PC: variants seen among roughly 807,000 people sequenced by gnomAD.
PC encodes pyruvate carboxylase, mitochondrial.
Under a neutral mutation model 107.8 loss-of-function variants are expected in PC, and 46 were observed. That is an observed-to-expected ratio of 0.43 (90% CI 0.34 to 0.55). The LOEUF is 0.55. Ranked by LOEUF, PC falls within the 20% of genes least tolerant of loss-of-function variation. The probability of loss-of-function intolerance (pLI) is 0.04; values close to 1 mark genes in which losing one functional copy is unlikely to be tolerated. For synonymous variants in PC, 662 were observed against 684.7 expected (o/e 0.97, Z 0.52); for missense variants, 1,241 against 1,643.1 (o/e 0.76, Z 4.23).
At chr11:66,859,578 G>A in intron 12 of PC, 9 of 1,603,830 alleles carry the variant, frequency 5.6e-6, no homozygotes, top group East Asian at 2.2e-5. Flanking sequence ...CGGGAGTGGG[G>A]AGGTGAGGAT....
At chr11:66,925,724 T>C (rs1023896485) in intron 3 of PC, among the ~76,000 whole-genome samples, 9 of 152,194 alleles carry the variant, frequency 5.9e-5, no homozygotes, top group Admixed American at 2.0e-4. Flanking sequence ...AGGGTATTGA[T>C]TGGGGAAGTG....
intron 3 of PC, among the ~76,000 whole-genome samples, chr11:66,896,396 A>G (rs989337559): frequency 2.0e-5 from 3 of 152,178 alleles, no homozygotes; most frequent in Non-Finnish European, 4.4e-5. Flanking sequence ...GAAATTCTCT[A>G]TCCAGCTAAA....
intron 10 of PC, among the ~76,000 whole-genome samples, chr11:66,867,197 C>T (rs1946533530): frequency 6.6e-6 from 1 of 152,172 alleles, no homozygotes; most frequent in South Asian, 2.1e-4. Context: ...ACTAGCCTGG[C>T]CAACATGGTG....
intron 3 of PC, among the ~76,000 whole-genome samples, chr11:66,911,594 T>TAATAATA (rs1477034088): frequency 6.7e-6 from 1 of 149,786 alleles, no homozygotes; most frequent in Non-Finnish European, 1.5e-5. Context: ...TTTAAAAAAG[T>TAATAATA]AATAATAAAT....
intron 3 of PC, among the ~76,000 whole-genome samples, chr11:66,950,473 C>T (rs190942289): frequency 2.0e-5 from 3 of 152,192 alleles, no homozygotes; most frequent in Non-Finnish European, 4.4e-5. Flanking sequence ...CCTGGGGTAA[C>T]GCCTTCAGGC....
chr11:66,850,557 C>T, intron 18 of PC, 93 bp from the exon 19 acceptor site: 1 of 1,606,044 alleles, frequency 6.2e-7, no homozygotes, highest in Non-Finnish European at 8.5e-7. Flanking sequence ...ACTCAGGTGA[C>T]AGAAGGCGGC....
At chr11:66,894,271 G>A (rs866820580) in intron 3 of PC, among the ~76,000 whole-genome samples, 2 of 151,938 alleles carry the variant, frequency 1.3e-5, no homozygotes, top group African/African-American at 2.4e-5. Flanking sequence ...CCAGCCTCCC[G>A]GATTCTCCAG....
chr11:66,952,178 C>T (rs1174803874), intron 3 of PC: 1 of 152,286 alleles, frequency 6.6e-6, no homozygotes, highest in Admixed American at 6.5e-5. Context: ...CTTCCAGAAC[C>T]AGGGCCTTCT....
chr11:66,941,227 C>A (rs972427620), intron 3 of PC, among the ~76,000 whole-genome samples: 3 of 152,052 alleles, frequency 2.0e-5, no homozygotes, highest in African/African-American at 7.2e-5. Flanking sequence ...AAAACTGGAA[C>A]CCTCATGCAC....
Position 66,857,418 on chromosome 11 carries a change from G to A in PC, c.1369-4035C>T. 3.2e-6 allele frequency: 1 copy of A among 313,026 alleles called. No individual in the cohort carries two copies. The highest frequency in any genetic ancestry group is 5.2e-5 in the East Asian group (1 of 19,142). The allele number at this position is 313,026 out of a possible 1,614,324, so 19.4% of individuals were successfully genotyped here. Reference sequence around the variant, plus strand: ...ATGGCGGGGAGTGGGGAGGCGGCTGGCGATTCCTGGGGACGCCTGGGAAAG... The same window carrying A: ...ATGGCGGGGAGTGGGGAGGCGGCTGACGATTCCTGGGGACGCCTGGGAAAG... On this transcript the variant is annotated intron_variant, in intron 12 of 22. Coordinates refer to ENST00000393960, the MANE Select transcript of PC (RefSeq NM_001040716.2). This position sits in a 1 kb window ranked among gnomAD's most constrained non-coding sequence, Gnocchi z 7.1.
intron 3 of PC, among the ~76,000 whole-genome samples, chr11:66,873,884 C>T (rs1482053796): frequency 6.6e-6 from 1 of 152,040 alleles, no homozygotes; most frequent in Admixed American, 6.6e-5. Flanking sequence ...TCTCCTGCCT[C>T]AGCCTCCCAA....
intron 3 of PC, among the ~76,000 whole-genome samples, chr11:66,929,110 C>T (rs1327135989): frequency 1.3e-5 from 2 of 152,264 alleles, no homozygotes; most frequent in African/African-American, 4.8e-5. Context: ...AAGAGGCTGA[C>T]CCCAGAGATT....
intron 1 of PC, among the ~76,000 whole-genome samples, chr11:66,956,115 C>T (rs780560698): frequency 6.6e-6 from 1 of 152,162 alleles, no homozygotes; most frequent in Non-Finnish European, 1.5e-5. Context: ...GTTTGGTTTC[C>T]AGTCACTGAC....
intron 3 of PC, among the ~76,000 whole-genome samples, chr11:66,940,972 A>C (rs1209499873): frequency 6.7e-6 from 1 of 149,168 alleles, no homozygotes; most frequent in African/African-American, 2.5e-5. Context: ...GCTACTTGGG[A>C]GGCTGAGGCA....
intron 3 of PC, among the ~76,000 whole-genome samples, chr11:66,901,145 T>A (rs1947942331): frequency 6.6e-6 from 1 of 152,158 alleles, no homozygotes; most frequent in Non-Finnish European, 1.5e-5. Flanking sequence ...CTCCACAGCT[T>A]TGCCTTTTGG....
intron 3 of PC, among the ~76,000 whole-genome samples, chr11:66,903,773 A>AG (rs1383896793): frequency 1.6e-5 from 1 of 62,500 alleles, no homozygotes; most frequent in Non-Finnish European, 2.9e-5. Context: ...AAAAAAAAAA[A>AG]ATATATATAT....
Position 66,868,957 on chromosome 11 carries a change from T to C in PC, c.911A>G (p.Tyr304Cys). 2 of 1,613,532 alleles carry C rather than the reference T, an allele frequency of 1.2e-6. No homozygotes were observed. The highest frequency in any genetic ancestry group is 1.7e-6 in the Non-Finnish European group (2 of 1,179,758). Residue 304 changes from tyrosine (Y) to cysteine (C), a missense_variant, in exon 10 of 23, where the codon TAC becomes TGC. By Grantham distance (194) the Tyr-to-Cys change is radical. This residue lies in a region of PC where 1,143 missense variants were observed against 1,551.9 expected (regional missense o/e 0.74). Transcript: ENST00000393960. ...GAACTCCACGGTGCCTGCGTTCTCG[T>C]AGCCCACCTGTGGGGGCGGCCACGT... The part of the protein sequence containing the change: ...DSVKLAKQVG[Y>C]ENAGTVEFLV...
rs925479024 is a variant in PC, at chr11:66,859,856, G to A, written c.1368+3918C>T. The A allele has an allele frequency of 1.9e-6, 3 of 1,564,738 alleles. No individual in the cohort carries two copies. In the African/African-American group the frequency reaches 4.1e-5, roughly 21 times the overall value. ...GCGGGACCCTGACCGTGGCCGTGGG[G>A]GGTGTGCTGGTGGCTGCCTTACTGG... is the stretch of plus-strand genomic sequence containing the variant. On this transcript the variant is annotated intron_variant, in intron 12 of 22. Transcript: ENST00000393960.
Position 66,857,612 on chromosome 11 carries a change from G to T in PC, c.1369-4229C>A. ...TTCCCTCATCTCTGGCGGCCCTCTTGGGCCTCTGACCCAGCCCCTCCCCGG... is the reference window on the plus strand; with the variant it reads ...TTCCCTCATCTCTGGCGGCCCTCTTTGGCCTCTGACCCAGCCCCTCCCCGG... On this transcript the variant is annotated intron_variant, in intron 12 of 22. Coordinates refer to ENST00000393960, the MANE Select transcript of PC (RefSeq NM_001040716.2). The surrounding 1 kb of genome is among the most constrained non-coding windows in gnomAD (Gnocchi z 7.1). 1 of 994,508 alleles carries T rather than the reference G, an allele frequency of 1.0e-6. No individual in the cohort carries two copies. Among genetic ancestry groups the T allele is most frequent in the Non-Finnish European group, 1.4e-6 (1 of 698,304 alleles). The allele number at this position is 994,508 out of a possible 1,614,324, so 61.6% of individuals were successfully genotyped here.
Sources: allele counts gnomAD v4.1 joint callset (sites outside exome capture counted in the v4.1 genomes callset), GRCh38; gene constraint gnomAD v4.1.1; regional missense constraint gnomAD v4.1.1; non-coding constraint Gnocchi (gnomAD v3.1); transcripts MANE v1.5; gene names NCBI Gene and HGNC (gene_info 2026-07-23, HGNC 2026-07-21).